The following GAS7 variants were observed in gnomAD, a reference collection of about 807,000 sequenced individuals.
The protein encoded by GAS7 is growth arrest-specific protein 7.
Under a neutral mutation model 71.1 loss-of-function variants are expected in GAS7, and 28 were observed. The observed-to-expected ratio is 0.39, with a 90% CI of 0.29 to 0.54. The LOEUF (loss-of-function observed/expected upper bound fraction) is 0.54, where lower values mean the gene tolerates loss of function less well. Ranked by LOEUF, GAS7 falls within the 20% of genes least tolerant of loss-of-function variation. The probability of loss-of-function intolerance (pLI) is 0.62; values close to 1 mark genes in which losing one functional copy is unlikely to be tolerated. For synonymous variants in GAS7, 258 were observed against 245.8 expected (o/e 1.05, Z -0.46); for missense variants, 436 against 627.8 (o/e 0.69, Z 3.27).
At chr17:9,964,415 C>T (rs747742972) in intron 4 of GAS7, among the ~76,000 whole-genome samples, 2 of 152,152 alleles carry the variant, frequency 1.3e-5, no homozygotes, top group Non-Finnish European at 2.9e-5. Context: ...CTGAGCTCCT[C>T]GTGGCAGGCC....
At chr17:10,063,447 C>T (rs1454809520) in intron 1 of GAS7, among the ~76,000 whole-genome samples, 1 of 152,198 alleles carries the variant, frequency 6.6e-6, no homozygotes, top group Non-Finnish European at 1.5e-5. Context: ...CCAAAGCTAC[C>T]ATCTCTGCTC....
rs1393800987 is a variant in GAS7 at position 10,026,337 on chromosome 17, C to G, written c.184-6440G>C. On this transcript the variant is annotated intron_variant, in intron 1 of 13. Coordinates refer to ENST00000432992, the MANE Select transcript of GAS7 (RefSeq NM_201433.2). The surrounding 1 kb of genome is among the most constrained non-coding windows in gnomAD (Gnocchi z 4.5). ...CAGGGCCCCACACCCCCACTCCCCC[C>G]ACACCCAGATCTATATATAACAGCT... 2.1e-6 allele frequency: 2 copies of G among 971,942 alleles called. No individual in the cohort carries two copies. The highest frequency in any genetic ancestry group is 1.8e-5 in the African/African-American group (1 of 56,992). 60.2% of individuals were successfully genotyped at this position (971,942 alleles called of 1,614,324 possible).
chr17:9,960,469 C>T (rs948601826), intron 4 of GAS7, among the ~76,000 whole-genome samples: 1 of 152,244 alleles, frequency 6.6e-6, no homozygotes, highest in Admixed American at 6.5e-5. Context: ...GGATTATAGG[C>T]ATGAGCCACT....
intron 2 of GAS7, among the ~76,000 whole-genome samples, chr17:10,009,271 A>T (rs2082437204): frequency 1.4e-5 from 2 of 145,504 alleles, no homozygotes; most frequent in South Asian, 4.4e-4. Context: ...CAGTGAGCCG[A>T]GATCCCGCCA....
At chr17:10,005,042 C>CATATACATATATATATAT (rs2071418381) in intron 2 of GAS7, among the ~76,000 whole-genome samples, 2 of 144,852 alleles carry the variant, frequency 1.4e-5, no homozygotes, top group Non-Finnish European at 3.0e-5. Flanking sequence ...TATATACATA[C>CATATACATATATATATAT]ATATATATAC....
chr17:10,008,222 T>C (rs2071617636), intron 2 of GAS7, among the ~76,000 whole-genome samples: 1 of 152,188 alleles, frequency 6.6e-6, no homozygotes, highest in African/African-American at 2.4e-5. Context: ...TGGACGTGTG[T>C]TTCTAATTTT....
chr17:10,032,545 T>C (rs1314676998), intron 1 of GAS7, among the ~76,000 whole-genome samples: 1 of 152,176 alleles, frequency 6.6e-6, no homozygotes, highest in Non-Finnish European at 1.5e-5. Context: ...TCCTCATCTG[T>C]GAAATGGGGG....
At chr17:9,978,976 T>G (rs887365791) in intron 3 of GAS7, among the ~76,000 whole-genome samples, 1 of 152,306 alleles carries the variant, frequency 6.6e-6, no homozygotes. Context: ...GCAGCAGCCC[T>G]GGCCTCTACC....
intron 4 of GAS7, among the ~76,000 whole-genome samples, chr17:9,966,659 C>CT (rs2069727710): frequency 6.6e-6 from 1 of 152,102 alleles, no homozygotes; most frequent in Admixed American, 6.5e-5. Context: ...CTCTTGGCAC[C>CT]TTTTTGGATA....
intron 1 of GAS7, among the ~76,000 whole-genome samples, chr17:10,115,008 C>T (rs1010738651): frequency 2.0e-5 from 3 of 152,178 alleles, no homozygotes; most frequent in Admixed American, 6.5e-5. Context: ...GGTCATGCTC[C>T]AAGCTGTCCT....
At chr17:10,153,669 T>C (rs905706854) in intron 1 of GAS7, among the ~76,000 whole-genome samples, 4 of 152,240 alleles carry the variant, frequency 2.6e-5, no homozygotes, top group African/African-American at 4.8e-5. Context: ...ATTAAATCAT[T>C]CATTTACTTT....
At chr17:10,091,736 C>T (rs756016776) in intron 1 of GAS7, among the ~76,000 whole-genome samples, 17 of 152,082 alleles carry the variant, frequency 1.1e-4, no homozygotes, top group Non-Finnish European at 2.1e-4. Context: ...GGCTGGAGTG[C>T]AGTGACACCA....
intron 2 of GAS7, among the ~76,000 whole-genome samples, chr17:10,014,991 T>C (rs767265574): frequency 1.3e-5 from 2 of 151,738 alleles, no homozygotes; most frequent in Non-Finnish European, 2.9e-5. Context: ...CTGTCTCTAC[T>C]AAAAATACAA....
chr17:10,030,407 T>C (rs2072587462), intron 1 of GAS7, among the ~76,000 whole-genome samples: 1 of 152,220 alleles, frequency 6.6e-6, no homozygotes. Context: ...GAGAAGAGCA[T>C]GCGGCTAATT....
intron 1 of GAS7, among the ~76,000 whole-genome samples, chr17:10,125,846 T>A (rs1318254770): frequency 6.6e-6 from 1 of 152,160 alleles, no homozygotes; most frequent in Non-Finnish European, 1.5e-5. Context: ...CCCTCCACCC[T>A]GTGTTATTTA....
intron 1 of GAS7, among the ~76,000 whole-genome samples, chr17:10,190,719 A>G (rs1318418407): frequency 6.6e-6 from 1 of 152,178 alleles, no homozygotes; most frequent in East Asian, 1.9e-4. Flanking sequence ...GACATTCACT[A>G]AAGTTTAGAG....
intron 1 of GAS7, among the ~76,000 whole-genome samples, chr17:10,048,173 G>A (rs1417149720): frequency 4.6e-5 from 7 of 152,064 alleles, no homozygotes; most frequent in Admixed American, 3.3e-4. Context: ...ATGGTGGTGC[G>A]CACCTGTAAT....
At chr17:10,127,250 A>C (rs2073958580) in intron 1 of GAS7, among the ~76,000 whole-genome samples, 1 of 152,166 alleles carries the variant, frequency 6.6e-6, no homozygotes, top group Non-Finnish European at 1.5e-5. Context: ...CAGTGCTTCC[A>C]CGAGCCCCTC....
chr17:10,054,514 T>C (rs1480144363), intron 1 of GAS7, among the ~76,000 whole-genome samples: 1 of 152,206 alleles, frequency 6.6e-6, no homozygotes, highest in African/African-American at 2.4e-5. Context: ...AGTGAAACCA[T>C]GGGCAACCAA....
Sources: allele counts gnomAD v4.1 joint callset (sites outside exome capture counted in the v4.1 genomes callset), GRCh38; gene constraint gnomAD v4.1.1; non-coding constraint Gnocchi (gnomAD v3.1); transcripts MANE v1.5; gene names NCBI Gene and HGNC (gene_info 2026-07-23, HGNC 2026-07-21).